The following MARCHF3 variants were observed in gnomAD, a reference collection of about 807,000 sequenced individuals.
MARCHF3 encodes the protein E3 ubiquitin-protein ligase MARCHF3.
A neutral mutation model predicts 24.2 loss-of-function variants in MARCHF3; 13 were observed. The observed-to-expected ratio is 0.54, with a 90% confidence interval of 0.35 to 0.85. The LOEUF is 0.85. Among genes scored for constraint, MARCHF3 ranks in the 40% least tolerant of loss-of-function variants. MARCHF3 has a pLI of 0.01. For missense variants in MARCHF3, 276 were observed against 325.0 expected, an observed-to-expected ratio of 0.85 and a Z score of 1.16; for synonymous variants, 144 against 137.3, an observed-to-expected ratio of 1.05 and a Z score of -0.34.
intron 3 of MARCHF3, among the ~76,000 whole-genome samples, chr5:126,886,020 C>G (rs1409018620): frequency 6.8e-6 from 1 of 147,390 alleles, no homozygotes; most frequent in Non-Finnish European, 1.5e-5. Flanking sequence ...TTTTTTTTTT[C>G]TAGAAGAAAC....
intron 3 of MARCHF3, among the ~76,000 whole-genome samples, chr5:126,882,905 C>T (rs1428450803): frequency 6.6e-6 from 1 of 152,172 alleles, no homozygotes; most frequent in Non-Finnish European, 1.5e-5. Context: ...ATAACTTACA[C>T]AAGATTGGTT....
At chr5:126,969,029 A>G (rs1441305599) in intron 1 of MARCHF3, among the ~76,000 whole-genome samples, 1 of 152,040 alleles carries the variant, frequency 6.6e-6, no homozygotes, top group Admixed American at 6.6e-5. Flanking sequence ...TTTTTCTTTC[A>G]TTGCTTGTGC....
chr5:126,890,181 T>G (rs965148590), intron 3 of MARCHF3, among the ~76,000 whole-genome samples: 1 of 152,298 alleles, frequency 6.6e-6, no homozygotes, highest in South Asian at 2.1e-4. Flanking sequence ...TTGCTGGTCT[T>G]ACTTCCTTTG....
At chr5:126,886,951 T>C (rs1008972019) in intron 3 of MARCHF3, among the ~76,000 whole-genome samples, 4 of 152,224 alleles carry the variant, frequency 2.6e-5, no homozygotes, top group African/African-American at 9.7e-5. Context: ...ATCTTGAGTA[T>C]GTTTGCACTG....
intron 2 of MARCHF3, among the ~76,000 whole-genome samples, chr5:126,917,165 G>T (rs1057240419): frequency 3.3e-5 from 5 of 152,112 alleles, no homozygotes; most frequent in African/African-American, 1.2e-4. Flanking sequence ...TGACACTAGG[G>T]GGCAAATCCA....
At chr5:126,969,142 A>T (rs950758533) in intron 1 of MARCHF3, among the ~76,000 whole-genome samples, 2 of 152,224 alleles carry the variant, frequency 1.3e-5, no homozygotes, top group African/African-American at 4.8e-5. Context: ...ATTAGTTCTT[A>T]TGCATCTGAA....
At chr5:126,905,731 T>A (rs1754266042) in intron 3 of MARCHF3, among the ~76,000 whole-genome samples, 1 of 151,912 alleles carries the variant, frequency 6.6e-6, no homozygotes, top group Admixed American at 6.6e-5. Context: ...GCAATGGGGT[T>A]TTCTAGATAT....
intron 1 of MARCHF3, among the ~76,000 whole-genome samples, chr5:126,936,045 T>A (rs1318109623): frequency 6.6e-6 from 1 of 152,184 alleles, no homozygotes; most frequent in Non-Finnish European, 1.5e-5. Context: ...ACACAGAAAG[T>A]AATCTATAAT....
At chr5:126,907,624 CAG>C (rs1350376774) in intron 3 of MARCHF3, among the ~76,000 whole-genome samples, 1 of 149,524 alleles carries the variant, frequency 6.7e-6, no homozygotes, top group Admixed American at 6.7e-5. Flanking sequence ...TCCGTTTTAT[CAG>C]AGACTAGGAT....
At chr5:126,971,078 T>A (rs1395443175) in intron 1 of MARCHF3, among the ~76,000 whole-genome samples, 1 of 152,130 alleles carries the variant, frequency 6.6e-6, no homozygotes, top group East Asian at 1.9e-4. Context: ...TAAGAAGAAA[T>A]TTTTGCATTT....
At chr5:127,019,815 T>G (rs1752737682) in intron 1 of MARCHF3, among the ~76,000 whole-genome samples, 2 of 152,244 alleles carry the variant, frequency 1.3e-5, no homozygotes, top group Admixed American at 1.3e-4. Flanking sequence ...TTGTTTTGTA[T>G]GCAGGAGATA....
chr5:127,008,217 G>A (rs1409873404), intron 1 of MARCHF3, among the ~76,000 whole-genome samples: 1 of 152,160 alleles, frequency 6.6e-6, no homozygotes, highest in Non-Finnish European at 1.5e-5. Flanking sequence ...AATCTCTAGT[G>A]ACGTTTCCAA....
intron 3 of MARCHF3, among the ~76,000 whole-genome samples, chr5:126,904,830 T>G (rs1324171745): frequency 1.3e-5 from 2 of 150,728 alleles, no homozygotes; most frequent in Non-Finnish European, 3.0e-5. Context: ...TAGATCCCAT[T>G]TGTCAATTTT....
intron 1 of MARCHF3, among the ~76,000 whole-genome samples, chr5:126,947,527 A>T (rs1033583879): frequency 6.6e-6 from 1 of 152,188 alleles, no homozygotes; most frequent in Admixed American, 6.5e-5. Context: ...TAGATTATAG[A>T]ACACCAAGAG....
At chr5:126,971,693 G>A (rs761342726) in intron 1 of MARCHF3, among the ~76,000 whole-genome samples, 5 of 152,164 alleles carry the variant, frequency 3.3e-5, no homozygotes, top group Non-Finnish European at 5.9e-5. Flanking sequence ...CCAAAGGAAA[G>A]ACAGTTATCT....
intron 1 of MARCHF3, among the ~76,000 whole-genome samples, chr5:126,954,610 A>C (rs984042997): frequency 2.7e-5 from 4 of 149,444 alleles, no homozygotes; most frequent in Admixed American, 1.3e-4. Context: ...CACTCAAGTG[A>C]TTCTCCCACT....
At chr5:126,971,264 A>G (rs1342592306) in intron 1 of MARCHF3, among the ~76,000 whole-genome samples, 2 of 151,884 alleles carry the variant, frequency 1.3e-5, no homozygotes, top group East Asian at 1.9e-4. Context: ...CCTGGCTAGC[A>G]TGGTGAAACC....
At chr5:126,998,716 C>G (rs10067364) in intron 1 of MARCHF3, among the ~76,000 whole-genome samples, 69,993 of 151,910 alleles carry the variant, frequency 0.46, 16,640 homozygotes, top group East Asian at 0.67. Flanking sequence ...GGCTACCAAC[C>G]TGAGAAAAGC....
In MARCHF3 at chr5:126,918,205, C is replaced by T; in HGVS notation, c.-34G>A. ...ACAGCAATTACTCTGCTAATGGCTT[C>T]CACATTCATACAGGATTTCCATCTA... On this transcript the variant is annotated 5_prime_UTR_variant, in exon 2 of 5. The change creates a premature stop within an existing upstream ORF in the 5' untranslated region. Transcript: ENST00000308660. 6.3e-7 allele frequency: 1 copy of T among 1,590,484 alleles called. No homozygotes were observed. The highest frequency in any genetic ancestry group is 2.2e-4 in the Middle Eastern group (1 of 4,616).
Sources: gnomAD v4.1 joint callset for allele counts (sites outside exome capture counted in the v4.1 genomes callset) on GRCh38, gnomAD v4.1.1 for gene constraint, MANE v1.5 for transcripts, NCBI Gene and HGNC (gene_info 2026-07-23, HGNC 2026-07-21) for gene names.